MYO1D: variants seen among roughly 807,000 people sequenced by gnomAD.
The protein encoded by MYO1D is myosin ID.
Under a neutral mutation model 122.0 loss-of-function variants are expected in MYO1D, and 83 were observed. The ratio of observed to expected loss-of-function variants is 0.68; its 90% CI spans 0.57 to 0.82. The LOEUF (loss-of-function observed/expected upper bound fraction) is 0.82, where lower values mean the gene tolerates loss of function less well. Ranked by LOEUF, MYO1D falls within the 40% of genes least tolerant of loss-of-function variation. MYO1D has a pLI of 0.00. For missense variants in MYO1D, 1,157 were observed against 1,269.5 expected (o/e 0.91, Z 1.35); for synonymous variants, 464 against 446.9 (o/e 1.04, Z -0.48).
chr17:32,584,595 G>A (rs1305063362), intron 21 of MYO1D, among the ~76,000 whole-genome samples: 1 of 151,140 alleles, frequency 6.6e-6, no homozygotes, highest in African/African-American at 2.4e-5. Context: ...TGATCCTCCT[G>A]CCTGCCTCAG....
intron 21 of MYO1D, among the ~76,000 whole-genome samples, chr17:32,596,804 C>T (rs2150908093): frequency 6.6e-6 from 1 of 152,348 alleles, no homozygotes; most frequent in South Asian, 2.1e-4. Flanking sequence ...CAGATGGGTC[C>T]TTTGACAGCT....
chr17:32,682,493 T>C (rs1422653804), intron 16 of MYO1D, among the ~76,000 whole-genome samples: 1 of 151,418 alleles, frequency 6.6e-6, no homozygotes, highest in African/African-American at 2.4e-5. Context: ...AAGGATTTTA[T>C]TTCTCCTTCA....
intron 16 of MYO1D, among the ~76,000 whole-genome samples, chr17:32,684,751 T>C (rs944981100): frequency 6.6e-6 from 1 of 152,158 alleles, no homozygotes; most frequent in Non-Finnish European, 1.5e-5. Flanking sequence ...CTGTTGACGG[T>C]TGATGGTTCT....
chr17:32,789,699 C>A (rs182317185), intron 1 of MYO1D, among the ~76,000 whole-genome samples: 13 of 152,152 alleles, frequency 8.5e-5, no homozygotes, highest in Admixed American at 2.0e-4. Flanking sequence ...AAATGCCCCA[C>A]GAAGGGAGAG....
intron 1 of MYO1D, chr17:32,794,390 T>C (rs2151038427): frequency 6.6e-6 from 1 of 152,306 alleles, no homozygotes; most frequent in South Asian, 2.1e-4. Flanking sequence ...ACAACTGTTT[T>C]TGATATATAC....
chr17:32,699,187 A>G (rs1262930308), intron 16 of MYO1D, among the ~76,000 whole-genome samples: 1 of 151,858 alleles, frequency 6.6e-6, no homozygotes, highest in Non-Finnish European at 1.5e-5. Flanking sequence ...CTGGTCTCGA[A>G]CTCCCGACCT....
chr17:32,816,285 AC>A (rs1445344989), intron 1 of MYO1D, among the ~76,000 whole-genome samples: 2 of 152,226 alleles, frequency 1.3e-5, no homozygotes, highest in Non-Finnish European at 2.9e-5. Flanking sequence ...GGAAGAGGTC[AC>A]AGTGCTAACA....
intron 3 of MYO1D, among the ~76,000 whole-genome samples, chr17:32,777,907 C>T (rs2090193840): frequency 6.6e-6 from 1 of 152,094 alleles, no homozygotes; most frequent in African/African-American, 2.4e-5. Flanking sequence ...GCACTCCAGC[C>T]TGGGCCACAG....
At chr17:32,803,347 C>T (rs144585645) in intron 1 of MYO1D, among the ~76,000 whole-genome samples, 4,289 of 152,168 alleles carry the variant, frequency 0.028, 136 homozygotes, top group East Asian at 0.19. Context: ...AGGGTTTCAC[C>T]GTGTTAGCCA....
chr17:32,756,469 A>G (rs1266817685), intron 10 of MYO1D, among the ~76,000 whole-genome samples: 1 of 152,256 alleles, frequency 6.6e-6, no homozygotes, highest in East Asian at 1.9e-4. Context: ...AAAAATATCA[A>G]CATTATGTGT....
intron 11 of MYO1D, among the ~76,000 whole-genome samples, chr17:32,752,110 C>T (rs551523521): frequency 6.6e-6 from 1 of 152,096 alleles, no homozygotes; most frequent in African/African-American, 2.4e-5. Flanking sequence ...ACAGAGAGCC[C>T]AGAAATAAAG....
At position 32,760,216 on chromosome 17, in the gene MYO1D, T is replaced by C. The variant is rs1286811030; in HGVS notation, c.1296+74A>G. ...CAAATACCCCCAAAAGATCAAGAAATACCTAAAATAAAATTTGACATTATC... is the reference window on the plus strand; with the variant it reads ...CAAATACCCCCAAAAGATCAAGAAACACCTAAAATAAAATTTGACATTATC... On this transcript the variant is annotated intron_variant, in intron 10 of 21. Coordinates refer to ENST00000318217, the MANE Select transcript of MYO1D (RefSeq NM_015194.3). 8 of 1,231,150 alleles carry C rather than the reference T, an allele frequency of 6.5e-6. No homozygotes were observed. In the Admixed American group the frequency reaches 1.3e-4, roughly 19 times the overall value. 76.3% of individuals were successfully genotyped at this position (1,231,150 alleles called of 1,614,324 possible).
chr17:32,869,451 C>G (rs2091159403), intron 1 of MYO1D, among the ~76,000 whole-genome samples: 1 of 152,246 alleles, frequency 6.6e-6, no homozygotes, highest in African/African-American at 2.4e-5. Context: ...CCCAGCGGAG[C>G]TGGAGCCACT....
At chr17:32,761,448 T>C (rs2090001211) in intron 8 of MYO1D, among the ~76,000 whole-genome samples, 1 of 152,218 alleles carries the variant, frequency 6.6e-6, no homozygotes, top group African/African-American at 2.4e-5. Context: ...CACTGCCTTC[T>C]TGGAACACTC....
intron 21 of MYO1D, among the ~76,000 whole-genome samples, chr17:32,598,935 G>A (rs1012923266): frequency 6.6e-6 from 1 of 152,192 alleles, no homozygotes; most frequent in Non-Finnish European, 1.5e-5. Context: ...TGAGTCTCCA[G>A]TGAGTTGTAA....
intron 21 of MYO1D, among the ~76,000 whole-genome samples, chr17:32,548,740 G>A (rs225198): frequency 0.48 from 71,095 of 146,676 alleles, 17,487 homozygotes; most frequent in East Asian, 0.54. Context: ...TTGAGATGGA[G>A]TCTCACTGTG....
intron 21 of MYO1D, among the ~76,000 whole-genome samples, chr17:32,525,360 T>G (rs1910305317): frequency 6.6e-6 from 1 of 152,274 alleles, no homozygotes; most frequent in African/African-American, 2.4e-5. Context: ...GGTCGCCACA[T>G]GGCATGCAGC....
At chr17:32,551,509 C>T (rs2087014736) in intron 21 of MYO1D, among the ~76,000 whole-genome samples, 1 of 151,884 alleles carries the variant, frequency 6.6e-6, no homozygotes, top group African/African-American at 2.4e-5. Context: ...ACACGTCCAG[C>T]TTTACTTTTG....
At chr17:32,647,634 C>A (rs2088313701) in intron 19 of MYO1D, among the ~76,000 whole-genome samples, 1 of 151,366 alleles carries the variant, frequency 6.6e-6, no homozygotes, top group Admixed American at 6.6e-5. Flanking sequence ...TGAGGACTCA[C>A]TGACATGGTA....
Sources: gnomAD v4.1 joint callset for allele counts (sites outside exome capture counted in the v4.1 genomes callset) on GRCh38, gnomAD v4.1.1 for gene constraint, MANE v1.5 for transcripts, NCBI Gene and HGNC (gene_info 2026-07-23, HGNC 2026-07-21) for gene names.